GRM8: variants seen among roughly 807,000 people sequenced by gnomAD.
GRM8 encodes metabotropic glutamate receptor 8.
GRM8 carries 47 observed loss-of-function variants against 87.2 expected under a neutral mutation model. The ratio of observed to expected loss-of-function variants is 0.54; its 90% CI spans 0.43 to 0.69. The LOEUF is 0.69. GRM8 is among the 30% of genes least tolerant of loss of function. GRM8 has a pLI of 0.00. For synonymous variants in GRM8, 396 were observed against 404.5 expected, an observed-to-expected ratio of 0.98 and a Z score of 0.25; for missense variants, 1,019 against 1,139.2, an observed-to-expected ratio of 0.89 and a Z score of 1.52.
chr7:127,155,978 A>G (rs1029460028), intron 2 of GRM8, among the ~76,000 whole-genome samples: 71 of 152,180 alleles, frequency 4.7e-4, no homozygotes, highest in African/African-American at 1.6e-3. Context: ...GAAGGCTGCC[A>G]ATGTTTAATA....
chr7:126,527,923 C>G (rs570720697), intron 9 of GRM8, among the ~76,000 whole-genome samples: 1 of 152,238 alleles, frequency 6.6e-6, no homozygotes, highest in Admixed American at 6.5e-5. Context: ...AAAACACTTT[C>G]AGGCCGGGTG....
chr7:126,502,006 C>T (rs1809722164), intron 9 of GRM8, among the ~76,000 whole-genome samples: 1 of 151,940 alleles, frequency 6.6e-6, no homozygotes, highest in African/African-American at 2.4e-5. Flanking sequence ...CAAAAACCAG[C>T]AGCAAGGTTG....
intron 6 of GRM8, among the ~76,000 whole-genome samples, chr7:126,783,047 A>C (rs1820251562): frequency 6.6e-6 from 1 of 152,156 alleles, no homozygotes; most frequent in Non-Finnish European, 1.5e-5. Flanking sequence ...TCAGGGATGC[A>C]AACTGTATAC....
At position 126,939,594 on chromosome 7, in the gene GRM8, C is replaced by T. The variant is rs140842375; in HGVS notation, c.728-34911G>A. Among the ~76,000 whole-genome samples, 107 of 152,228 alleles carry T rather than the reference C, an allele frequency of 7.0e-4. 4 individuals are homozygous for T. In the East Asian group the frequency reaches 0.019, roughly 27 times the overall value. ...ATGGCTACATAAAATAGTTAAATAC[C>T]TCATCATAAGAAAATTGTGCCTGCA... On this transcript the variant is annotated intron_variant, in intron 3 of 10. Coordinates refer to ENST00000339582, the MANE Select transcript of GRM8 (RefSeq NM_000845.3).
chr7:126,449,597 G>A (rs1397798113), intron 9 of GRM8, among the ~76,000 whole-genome samples: 1 of 151,788 alleles, frequency 6.6e-6, no homozygotes, highest in Non-Finnish European at 1.5e-5. Context: ...TTGAGGAAAA[G>A]GCCTTTGTAA....
At chr7:126,718,389 G>A (rs4728051) in intron 7 of GRM8, among the ~76,000 whole-genome samples, 1 of 151,934 alleles carries the variant, frequency 6.6e-6, no homozygotes, top group Non-Finnish European at 1.5e-5. Flanking sequence ...TCAAGCTCTA[G>A]GGTGGGGGTA....
intron 3 of GRM8, among the ~76,000 whole-genome samples, chr7:127,071,702 A>C (rs1821707282): frequency 6.6e-6 from 1 of 152,162 alleles, no homozygotes; most frequent in South Asian, 2.1e-4. Flanking sequence ...TCAAAAGATA[A>C]TGTGGTCTCT....
chr7:127,084,872 A>C (rs1336509779), intron 3 of GRM8: 2 of 152,294 alleles, frequency 1.3e-5, no homozygotes, highest in Middle Eastern at 3.4e-3. Flanking sequence ...GTGCAGGTTC[A>C]TTACTTAGGT....
rs140624667 is a variant in GRM8 at position 127,210,264 on chromosome 7, A to G, written c.510+32431T>C. 5.9e-5 allele frequency among the ~76,000 whole-genome samples: 9 copies of G among 152,342 alleles called. 1 individual carries two copies. In the East Asian group the frequency reaches 1.7e-3, roughly 29 times the overall value. On this transcript the variant is annotated intron_variant, in intron 2 of 10. Transcript: ENST00000339582. Reference sequence around the variant, plus strand: ...ATTTAGGCATTACAATTCAGACTAGATCCATTCATTAGGTCCACACCACAC... The same window carrying G: ...ATTTAGGCATTACAATTCAGACTAGGTCCATTCATTAGGTCCACACCACAC...
intron 7 of GRM8, among the ~76,000 whole-genome samples, chr7:126,716,400 A>C (rs1811748150): frequency 6.6e-6 from 1 of 152,136 alleles, no homozygotes; most frequent in South Asian, 2.1e-4. Context: ...AAAAAAAAAA[A>C]AGTGTTGAAA....
At chr7:127,139,389 A>T (rs571674167) in intron 2 of GRM8, among the ~76,000 whole-genome samples, 66 of 152,242 alleles carry the variant, frequency 4.3e-4, no homozygotes, top group African/African-American at 1.3e-3. Flanking sequence ...CATAGTAGTC[A>T]CATTAGTGTG....
intron 7 of GRM8, among the ~76,000 whole-genome samples, chr7:126,640,086 G>C (rs1220841875): frequency 6.6e-6 from 1 of 152,164 alleles, no homozygotes; most frequent in African/African-American, 2.4e-5. Context: ...AGGAATGTGA[G>C]ATATGAAATC....
intron 2 of GRM8, among the ~76,000 whole-genome samples, chr7:127,136,076 T>C (rs1827931349): frequency 6.6e-6 from 1 of 152,156 alleles, no homozygotes; most frequent in African/African-American, 2.4e-5. Flanking sequence ...TCATCAATTA[T>C]GAAGCACTTT....
intron 3 of GRM8, among the ~76,000 whole-genome samples, chr7:126,965,502 C>A (rs1382421996): frequency 6.6e-6 from 1 of 151,934 alleles, no homozygotes; most frequent in Non-Finnish European, 1.5e-5. Flanking sequence ...TCCTAGTAGT[C>A]ACATTTTAAA....
In GRM8 at chr7:127,243,500, T is replaced by C; in HGVS notation, c.-296A>G. 1 of 368,042 alleles carries C rather than the reference T, an allele frequency of 2.7e-6. No homozygotes were observed. 22.8% of individuals were successfully genotyped at this position (368,042 alleles called of 1,614,324 possible). A position where few individuals can be genotyped will look rare whatever the true frequency, so the allele number is the denominator to read the frequency against. On this transcript the variant is annotated 5_prime_UTR_variant, in exon 2 of 11. Transcript: ENST00000339582. ...CAATTCATGTCCTTGAAATCAGCCTTGTAGCAGAATTATTCCTGGGAAGAG... is the reference window on the plus strand; with the variant it reads ...CAATTCATGTCCTTGAAATCAGCCTCGTAGCAGAATTATTCCTGGGAAGAG...
intron 2 of GRM8, among the ~76,000 whole-genome samples, chr7:127,188,145 A>T (rs1346618135): frequency 1.3e-5 from 2 of 152,226 alleles, no homozygotes; most frequent in African/African-American, 4.8e-5. Context: ...GGAGTATTTC[A>T]GGAGGGCTCA....
intron 7 of GRM8, among the ~76,000 whole-genome samples, chr7:126,689,298 C>T (rs1399237783): frequency 1.3e-5 from 2 of 152,096 alleles, no homozygotes; most frequent in African/African-American, 4.8e-5. Flanking sequence ...GCCCTGTGCA[C>T]AATGGTAACT....
intron 3 of GRM8, among the ~76,000 whole-genome samples, chr7:127,056,129 A>C (rs1000285670): frequency 1.6e-5 from 2 of 128,978 alleles, no homozygotes; most frequent in East Asian, 4.9e-4. Context: ...TCATTAATTT[A>C]AGTTATTTCA....
At chr7:126,841,825 G>A (rs1796293370) in intron 6 of GRM8, among the ~76,000 whole-genome samples, 1 of 151,616 alleles carries the variant, frequency 6.6e-6, no homozygotes, top group Admixed American at 6.6e-5. Context: ...GTGGAGATGG[G>A]GTTTCACCGT....
Sources: allele counts gnomAD v4.1 joint callset (sites outside exome capture counted in the v4.1 genomes callset), GRCh38; gene constraint gnomAD v4.1.1; transcripts MANE v1.5; gene names NCBI Gene and HGNC (gene_info 2026-07-23, HGNC 2026-07-21).